The following CENPT variants were observed in gnomAD, a reference collection of about 807,000 sequenced individuals.
CENPT encodes centromere protein T, also known as interphase centromere complex protein 22.
Under a neutral mutation model 59.7 loss-of-function variants are expected in CENPT, and 42 were observed. That is an observed-to-expected ratio of 0.70 (90% confidence interval 0.55 to 0.91). CENPT has a LOEUF of 0.91. Among genes scored for constraint, CENPT ranks in the 40% least tolerant of loss-of-function variants. The pLI is 0.00. For synonymous variants in CENPT, 295 were observed against 289.6 expected, an observed-to-expected ratio of 1.02 and a Z score of -0.19; for missense variants, 716 against 713.4, an observed-to-expected ratio of 1.00 and a Z score of -0.04.
rs769575578 is a variant in CENPT at position 67,830,447 on chromosome 16, C to T, written c.805G>A (p.Ala269Thr). 11 of 1,614,002 alleles carry T rather than the reference C, an allele frequency of 6.8e-6. No homozygotes were observed. The East Asian group carries it at 1.1e-4, about 16-fold the overall frequency. Reference sequence around the variant, plus strand: ...GTCTTGCGACCGGCAGCCTGCTCAGCGTCTTCAGCCCCAGTGTGAGGCGTG... The same window carrying T: ...GTCTTGCGACCGGCAGCCTGCTCAGTGTCTTCAGCCCCAGTGTGAGGCGTG... ...PCTPHTGAED[A>T]EQAAGRKTQS... The change falls in exon 11 of 16, where the codon GCT becomes ACT. Residue 269 changes from alanine (A) to threonine (T), a missense_variant. Transcript: ENST00000562787.
In CENPT at chr16:67,842,079, C is replaced by T. The variant is rs958763898; in HGVS notation, c.-492+5322G>A. The stretch of plus-strand genomic sequence containing the variant: ...GGCGCGCACCGCCCCGCTCCACGCC[C>T]CTATCAGGATTCGGGTCCTCGTGAG... On this transcript the variant is annotated intron_variant, in intron 1 of 15. Coordinates refer to ENST00000562787, the MANE Select transcript of CENPT (RefSeq NM_025082.4). The surrounding 1 kb of genome is among the most constrained non-coding windows in gnomAD (Gnocchi z 4.9). 6.6e-6 allele frequency: 1 copy of T among 152,422 alleles called. No individual in the cohort carries two copies. Among genetic ancestry groups the T allele is most frequent in the Non-Finnish European group, 1.5e-5 (1 of 68,198 alleles). 9.4% of individuals were successfully genotyped at this position (152,422 alleles called of 1,614,324 possible). A position where few individuals can be genotyped will look rare whatever the true frequency, so the allele number is the denominator to read the frequency against.
At chr16:67,837,122 G>A (rs1434954634) in intron 1 of CENPT, among the ~76,000 whole-genome samples, 1 of 151,542 alleles carries the variant, frequency 6.6e-6, no homozygotes, top group African/African-American at 2.4e-5. Context: ...CTTCCGCCTC[G>A]GCCTCCCAAA....
intron 1 of CENPT, among the ~76,000 whole-genome samples, chr16:67,836,843 G>T (rs2057737189): frequency 6.6e-6 from 1 of 151,688 alleles, no homozygotes; most frequent in Non-Finnish European, 1.5e-5. Flanking sequence ...AAAGGTTCAC[G>T]CCATTCTCCT....
intron 1 of CENPT, among the ~76,000 whole-genome samples, chr16:67,836,123 A>G (rs1017149222): frequency 2.6e-5 from 4 of 151,188 alleles, no homozygotes; most frequent in Admixed American, 6.6e-5. Context: ...GCAGTGGCAC[A>G]ATCTCAGCTC....
chr16:67,828,175 A>G lies in CENPT; in HGVS notation c.*92T>C, dbSNP rs903640778. ...CAGAATATTCTGTTTATGACACTTTATTGATGCTGGGGGGGTGGGGAGGAG... is the reference window on the plus strand; with the variant it reads ...CAGAATATTCTGTTTATGACACTTTGTTGATGCTGGGGGGGTGGGGAGGAG... On this transcript the variant is annotated 3_prime_UTR_variant, in exon 16 of 16. Coordinates refer to ENST00000562787, the MANE Select transcript of CENPT (RefSeq NM_025082.4). 9 of 1,247,738 alleles carry G rather than the reference A, an allele frequency of 7.2e-6. No individual in the cohort carries two copies. The highest frequency in any genetic ancestry group is 9.8e-6 in the Non-Finnish European group (9 of 922,672). The allele number at this position is 1,247,738 out of a possible 1,614,324, so 77.3% of individuals were successfully genotyped here.
At chr16:67,835,840 T>C (rs2057732008) in intron 1 of CENPT, among the ~76,000 whole-genome samples, 182 bp from the exon 2 acceptor site, 1 of 151,884 alleles carries the variant, frequency 6.6e-6, no homozygotes, top group Non-Finnish European at 1.5e-5. Flanking sequence ...TTTTTTTTTG[T>C]TTTTGTTTTT....
In CENPT at chr16:67,842,643, C is replaced by G; in HGVS notation, c.-492+4758G>C. 3.2e-6 allele frequency: 5 copies of G among 1,555,738 alleles called. No homozygotes were observed. Among genetic ancestry groups the G allele is most frequent in the Non-Finnish European group, 4.4e-6 (5 of 1,149,284 alleles). On this transcript the variant is annotated intron_variant, in intron 1 of 15. Transcript: ENST00000562787. This position sits in a 1 kb window ranked among gnomAD's most constrained non-coding sequence, Gnocchi z 4.9. ...CACTTCTACACGTTTCCAAAGGACGCTGAGTTGCGGCGCCTCTGGCTCAAG... is the reference window on the plus strand; with the variant it reads ...CACTTCTACACGTTTCCAAAGGACGGTGAGTTGCGGCGCCTCTGGCTCAAG...
In CENPT at chr16:67,831,769, GC is replaced by G; in HGVS notation, c.507del (p.Leu170CysfsTer22). ...AGGGCCTCACCTTGGGAGAGAGACA[GC>G]CCCTGGTCCACTCCCTGCTGAAACA... ...LSVFQQGVDQ[G>X]LSLSQEPQGN... On this transcript the variant is annotated frameshift_variant, in exon 8 of 16. Coordinates refer to ENST00000562787, the MANE Select transcript of CENPT (RefSeq NM_025082.4). LOFTEE classifies it high-confidence loss of function. 1 of 1,580,604 alleles carries G rather than the reference GC, an allele frequency of 6.3e-7. No homozygotes were observed. Among genetic ancestry groups the G allele is most frequent in the Middle Eastern group, 1.7e-4 (1 of 5,864 alleles).
chr16:67,832,623 G>A, intron 4 of CENPT, 78 bp from the exon 5 acceptor site: 2 of 1,323,618 alleles, frequency 1.5e-6, no homozygotes, highest in Non-Finnish European at 1.1e-6. Context: ...TTCATCAGGG[G>A]TCTTGGTCTG....
intron 1 of CENPT, chr16:67,841,725 G>A (rs2057762484): frequency 6.6e-6 from 1 of 152,254 alleles, no homozygotes. Context: ...GCGTCTACTG[G>A]AGACTTTGTT....
chr16:67,831,831 G>T lies in CENPT; in HGVS notation c.446C>A (p.Ala149Asp). 6.2e-7 allele frequency: 1 copy of T among 1,608,682 alleles called. No individual in the cohort carries two copies. The highest frequency in any genetic ancestry group is 1.3e-5 in the African/African-American group (1 of 74,674). ...CAGCCTCTGTTTCCTCCTGCCAGGG[G>T]CCAGCAGACCTGGAGCCAGGGTTGT... ...PPTTLAPGLLAPGRRKQRLRL... is the reference protein window; with the variant it reads ...PPTTLAPGLLDPGRRKQRLRL... The change falls in exon 8 of 16, where the codon GCC (alanine) becomes GAC (aspartate). Residue 149 changes from alanine (A) to aspartate (D), a missense_variant. Coordinates refer to ENST00000562787, the MANE Select transcript of CENPT (RefSeq NM_025082.4).
At chr16:67,831,725 G>C (rs1352216348) in intron 8 of CENPT, 29 bp downstream of exon 8, 2 of 1,584,496 alleles carry the variant, frequency 1.3e-6, no homozygotes, top group South Asian at 2.3e-5. Flanking sequence ...GGAGGGAGAG[G>C]GTAGCAAAAG....
intron 1 of CENPT, among the ~76,000 whole-genome samples, chr16:67,837,116 C>T (rs931420511): frequency 6.6e-6 from 1 of 151,670 alleles, no homozygotes; most frequent in Non-Finnish European, 1.5e-5. Flanking sequence ...GGTGATCTTC[C>T]GCCTCGGCCT....
In CENPT at chr16:67,831,532, T is replaced by C. The variant is rs762431803; in HGVS notation, c.560+44A>G. 3.1e-6 allele frequency: 5 copies of C among 1,609,778 alleles called. No homozygotes were observed. The South Asian group carries it at 5.5e-5, about 18-fold the overall frequency. On this transcript the variant is annotated intron_variant, in intron 9 of 15. Coordinates refer to ENST00000562787, the MANE Select transcript of CENPT (RefSeq NM_025082.4). ...CAGGCAGCACCTCCCTCCCCAAGTCTCTCCTCCACCCACTCCCAGAACAGG... is the reference window on the plus strand; with the variant it reads ...CAGGCAGCACCTCCCTCCCCAAGTCCCTCCTCCACCCACTCCCAGAACAGG...
chr16:67,832,821 C>T (rs954307424), intron 4 of CENPT, among the ~76,000 whole-genome samples: 1 of 152,134 alleles, frequency 6.6e-6, no homozygotes, highest in African/African-American at 2.4e-5. Context: ...TCAGCAGAAT[C>T]ACAAAGGATA....
intron 1 of CENPT, among the ~76,000 whole-genome samples, chr16:67,836,491 T>C (rs1439923276): frequency 5.5e-4 from 78 of 141,528 alleles, no homozygotes; most frequent in Non-Finnish European, 1.9e-4. Context: ...GGCTGGAGTG[T>C]AGTGGTGCGA....
chr16:67,832,313 A>G lies in CENPT; in HGVS notation c.204T>C (p.Ser68=). 5.0e-6 allele frequency: 8 copies of G among 1,614,166 alleles called. No homozygotes were observed. The highest frequency in any genetic ancestry group is 4.2e-6 in the Non-Finnish European group (5 of 1,179,986). ...CCTGAATATGGGCCGATCTGCCAAC[A>G]GACTATCGGCAAAGCACCAAGCAAC... ...IARGRSHGAR[S]VGRSAHIQAS... The change falls in exon 6 of 16, where the codon TCT becomes TCC. Residue 68 remains serine (S), a splice_region_variant and synonymous_variant. Transcript: ENST00000562787.
At chr16:67,836,781 C>G (rs2057736875) in intron 1 of CENPT, among the ~76,000 whole-genome samples, 1 of 151,934 alleles carries the variant, frequency 6.6e-6, no homozygotes, top group South Asian at 2.1e-4. Context: ...CCATGTTGGT[C>G]AGGCTGGTCT....
chr16:67,833,153 C>A (rs1388048480), intron 4 of CENPT, among the ~76,000 whole-genome samples: 1 of 152,244 alleles, frequency 6.6e-6, no homozygotes, highest in Non-Finnish European at 1.5e-5. Context: ...CCCTCACCCA[C>A]TGCCACTCCC....
Sources: gnomAD v4.1 joint callset for allele counts (sites outside exome capture counted in the v4.1 genomes callset) on GRCh38, gnomAD v4.1.1 for gene constraint, Gnocchi (gnomAD v3.1) non-coding constraint, MANE v1.5 for transcripts, NCBI Gene and HGNC (gene_info 2026-07-23, HGNC 2026-07-21) for gene names.